Variants in NSUN7 observed in about 807,000 individuals in gnomAD.
NSUN7 encodes NOP2/Sun RNA methyltransferase family member 7, also known as protein NSUN7.
In NSUN7, 39 loss-of-function variants were observed where a neutral mutation model predicts 58.5. The ratio of observed to expected loss-of-function variants is 0.67; its 90% CI spans 0.52 to 0.87. The LOEUF (loss-of-function observed/expected upper bound fraction) is 0.87, where lower values mean the gene tolerates loss of function less well. NSUN7 is among the 40% of genes least tolerant of loss of function. NSUN7 has a pLI of 0.00. For synonymous variants in NSUN7, 278 were observed against 303.7 expected, an observed-to-expected ratio of 0.92 and a Z score of 0.88; for missense variants, 765 against 844.1, an observed-to-expected ratio of 0.91 and a Z score of 1.16.
intron 4 of NSUN7, among the ~76,000 whole-genome samples, chr4:40,762,244 C>T (rs1741494734): frequency 6.6e-6 from 1 of 152,154 alleles, no homozygotes; most frequent in Non-Finnish European, 1.5e-5. Flanking sequence ...TTTGTTATAG[C>T]AGTGCAAAAT....
chr4:40,776,626 T>A (rs1742282460), intron 7 of NSUN7: 1 of 182,502 alleles, frequency 5.5e-6, no homozygotes, highest in African/African-American at 2.4e-5. Context: ...CTAAGTCTTT[T>A]TTTTTTTGAG....
At chr4:40,758,187 T>G (rs912241601) in intron 2 of NSUN7, among the ~76,000 whole-genome samples, 4 of 152,142 alleles carry the variant, frequency 2.6e-5, no homozygotes, top group African/African-American at 9.7e-5. Flanking sequence ...CCCAAAGTGC[T>G]AGGATTACAG....
chr4:40,789,870 C>T lies in NSUN7; in HGVS notation c.1037-732C>T, dbSNP rs191013888. On this transcript the variant is annotated intron_variant, in intron 7 of 11. Transcript: ENST00000381782. ...AAGAGTGATTCTTCAGCAGGTGAGG[C>T]GTGATAGCCACCGCAAAAGTAGAGG... Among the ~76,000 whole-genome samples, 80 of 152,064 alleles carry T rather than the reference C, an allele frequency of 5.3e-4. No individual in the cohort carries two copies. In the East Asian group the frequency reaches 5.6e-3, roughly 11 times the overall value.
chr4:40,750,521 C>A, intron 1 of NSUN7, 82 bp from the exon 2 acceptor site: 1 of 612,940 alleles, frequency 1.6e-6, no homozygotes, highest in Non-Finnish European at 2.7e-6. Context: ...CCCTCTTAGT[C>A]TTTAAGGCCA....
intron 10 of NSUN7, among the ~76,000 whole-genome samples, chr4:40,805,586 C>A (rs1458831499): frequency 6.6e-6 from 1 of 152,150 alleles, no homozygotes; most frequent in African/African-American, 2.4e-5. Flanking sequence ...TGCAAAATCC[C>A]CTTTGTCATG....
chr4:40,772,309 T>TA (rs1742052246), intron 4 of NSUN7, among the ~76,000 whole-genome samples: 1 of 152,184 alleles, frequency 6.6e-6, no homozygotes, highest in Non-Finnish European at 1.5e-5. Flanking sequence ...GTATTGTTAA[T>TA]AAAAAATAGT....
rs1180554765 is a variant in NSUN7, at chr4:40,760,444, TTTGGAAACTATA to T, written c.313_324del (p.Glu105_Leu108del). ...TCCCTTGTTTTGCAGATCAAGATAT[TTTGGAAACTATA>T]TTGATAGACAGCTGTATCTTCCCAA... On this transcript the variant is annotated inframe_deletion, in exon 3 of 12. Transcript: ENST00000381782. The T allele has an allele frequency of 6.2e-7, 1 of 1,609,998 alleles. No individual in the cohort carries two copies. Among genetic ancestry groups the T allele is most frequent in the Admixed American group, 1.7e-5 (1 of 59,372 alleles).
chr4:40,807,837 T>A (rs1466621955), intron 11 of NSUN7, among the ~76,000 whole-genome samples: 1 of 151,858 alleles, frequency 6.6e-6, no homozygotes, highest in Non-Finnish European at 1.5e-5. Flanking sequence ...AGGTCAGGAG[T>A]TCGAGACCAG....
At chr4:40,792,569 G>A (rs954618669) in intron 8 of NSUN7, among the ~76,000 whole-genome samples, 18 of 152,094 alleles carry the variant, frequency 1.2e-4, no homozygotes, top group Non-Finnish European at 8.8e-5. Context: ...GGCTAACACG[G>A]TGAAACCCCG....
intron 2 of NSUN7, among the ~76,000 whole-genome samples, chr4:40,754,614 A>G (rs1741048077): frequency 6.6e-6 from 1 of 152,192 alleles, no homozygotes; most frequent in African/African-American, 2.4e-5. Context: ...AAAACTCAGA[A>G]TTTCTTCCCT....
intron 7 of NSUN7, among the ~76,000 whole-genome samples, chr4:40,783,348 A>G (rs1053049745): frequency 2.0e-5 from 3 of 152,252 alleles, no homozygotes; most frequent in African/African-American, 7.2e-5. Context: ...ATCTCAAATC[A>G]TATACAAAAA....
intron 2 of NSUN7, among the ~76,000 whole-genome samples, 195 bp from the exon 3 acceptor site, chr4:40,760,239 C>T (rs1741383885): frequency 6.6e-6 from 1 of 152,110 alleles, no homozygotes; most frequent in African/African-American, 2.4e-5. Flanking sequence ...GACCCTAGGT[C>T]ATAAAGGTCC....
At position 40,808,814 on chromosome 4, in the gene NSUN7, C is replaced by A. The variant is rs778600079; in HGVS notation, c.2032C>A (p.Arg678Ser). The A allele has an allele frequency of 1.2e-5, 19 of 1,549,600 alleles. No individual in the cohort carries two copies. The highest frequency in any genetic ancestry group is 1.5e-5 in the Non-Finnish European group (17 of 1,146,682). ...SRMPTQHLYCRWVAPKALVPT... is the reference protein window; with the variant it reads ...SRMPTQHLYCSWVAPKALVPT... The stretch of plus-strand genomic sequence containing the variant: ...GATGCCAACTCAACATTTGTACTGT[C>A]GTTGGGTTGCACCCAAGGCACTTGT... Residue 678 changes from arginine to serine, a missense_variant, in exon 12 of 12, where the codon CGT becomes AGT. Physicochemically the swap from Arg to Ser is moderately radical, Grantham distance 110. Transcript: ENST00000381782.
chr4:40,761,330 A>G (rs1741455179), intron 4 of NSUN7, 29 bp downstream of exon 4: 1 of 1,573,366 alleles, frequency 6.4e-7, no homozygotes, highest in Non-Finnish European at 8.7e-7. Context: ...AGAATGTTTT[A>G]TATGAAACCT....
intron 10 of NSUN7, among the ~76,000 whole-genome samples, chr4:40,799,660 G>A (rs1487725086): frequency 6.6e-6 from 1 of 152,108 alleles, no homozygotes; most frequent in Non-Finnish European, 1.5e-5. Context: ...AAATTGGAGA[G>A]TACATATATT....
At chr4:40,751,782 T>C (rs1740846132) in intron 2 of NSUN7, among the ~76,000 whole-genome samples, 1 of 152,088 alleles carries the variant, frequency 6.6e-6, no homozygotes, top group Non-Finnish European at 1.5e-5. Flanking sequence ...TTGATTGAGC[T>C]CAGGCGTTAA....
At chr4:40,776,583 T>C (rs899017313) in intron 7 of NSUN7, 2 of 200,860 alleles carry the variant, frequency 1.0e-5, no homozygotes, top group South Asian at 1.7e-4. Context: ...AAATAAGTGC[T>C]TAAGTGACAA....
In NSUN7 at chr4:40,780,802, T is replaced by C. The variant is rs868570394; in HGVS notation, c.1036+4543T>C. Reference sequence around the variant, plus strand: ...ACACACACACATACACATATATATATATATATATATATTTTTTTTTTTTTT... The same window carrying C: ...ACACACACACATACACATATATATACATATATATATATTTTTTTTTTTTTT... On this transcript the variant is annotated intron_variant, in intron 7 of 11. Transcript: ENST00000381782. 6.0e-4 allele frequency among the ~76,000 whole-genome samples: 62 copies of C among 102,882 alleles called. 1 individual carries two copies. Among genetic ancestry groups the C allele is most frequent in the African/African-American group, 2.2e-3 (58 of 26,166 alleles). The allele number at this position is 102,882 out of a possible 152,430, so 67.5% of individuals were successfully genotyped here. A position where few individuals can be genotyped will look rare whatever the true frequency, so the allele number is the denominator to read the frequency against.
At chr4:40,786,418 G>T in intron 7 of NSUN7, 2 of 1,612,042 alleles carry the variant, frequency 1.2e-6, no homozygotes, top group Non-Finnish European at 8.5e-7. Flanking sequence ...TGTGGACTCT[G>T]TTGATGTCGA....
Sources: allele counts gnomAD v4.1 joint callset (sites outside exome capture counted in the v4.1 genomes callset), GRCh38; gene constraint gnomAD v4.1.1; transcripts MANE v1.5; gene names NCBI Gene and HGNC (gene_info 2026-07-23, HGNC 2026-07-21).